The following ADGRL3 variants were observed in gnomAD, a reference collection of about 807,000 sequenced individuals.
The protein encoded by ADGRL3 is calcium-independent alpha-latrotoxin receptor 3.
Under a neutral mutation model 153.5 loss-of-function variants are expected in ADGRL3, and 62 were observed. The observed-to-expected ratio is 0.40, with a 90% CI of 0.33 to 0.50. ADGRL3 has a LOEUF of 0.50. Ranked by LOEUF, ADGRL3 falls within the 20% of genes least tolerant of loss-of-function variation. The pLI, the probability that ADGRL3 is intolerant of heterozygous loss-of-function variation, is 0.47. For missense variants in ADGRL3, 1,641 were observed against 1,859.4 expected, an observed-to-expected ratio of 0.88 and a Z score of 2.16; for synonymous variants, 710 against 672.5, an observed-to-expected ratio of 1.06 and a Z score of -0.86.
chr4:61,966,555 AG>A (rs910448640), intron 17 of ADGRL3, among the ~76,000 whole-genome samples: 1 of 150,736 alleles, frequency 6.6e-6, no homozygotes, highest in African/African-American at 2.5e-5. Context: ...AACACCTTTA[AG>A]AAGTACTTTC....
chr4:61,562,452 A>G (rs935432282), intron 4 of ADGRL3, among the ~76,000 whole-genome samples: 2 of 152,216 alleles, frequency 1.3e-5, no homozygotes, highest in African/African-American at 2.4e-5. Flanking sequence ...AACTTCTTTC[A>G]AAATTGAAGT....
At chr4:61,415,260 T>C (rs978818670) in intron 2 of ADGRL3, among the ~76,000 whole-genome samples, 6 of 152,004 alleles carry the variant, frequency 3.9e-5, no homozygotes, top group African/African-American at 7.2e-5. Flanking sequence ...CATATACCAA[T>C]ACATTCATGG....
intron 9 of ADGRL3, among the ~76,000 whole-genome samples, chr4:61,884,078 C>T (rs1185781981): frequency 6.6e-6 from 1 of 152,082 alleles, no homozygotes; most frequent in African/African-American, 2.4e-5. Context: ...ACATTTTATT[C>T]CCAGTACAAT....
At chr4:61,797,688 G>A (rs2097431253) in intron 8 of ADGRL3, among the ~76,000 whole-genome samples, 1 of 151,552 alleles carries the variant, frequency 6.6e-6, no homozygotes, top group Admixed American at 6.6e-5. Context: ...CTGCATGTTT[G>A]TTCCAAATAG....
chr4:61,721,187 G>T (rs1163812173), intron 6 of ADGRL3, among the ~76,000 whole-genome samples: 1 of 152,136 alleles, frequency 6.6e-6, no homozygotes, highest in Non-Finnish European at 1.5e-5. Flanking sequence ...ATGTGAAGGG[G>T]AGTTTATTAA....
Position 61,744,529 on chromosome 4 carries a change from C to A in ADGRL3, c.1399+10975C>A, listed in dbSNP as rs112506383. Among the ~76,000 whole-genome samples, 840 of 152,310 alleles carry A rather than the reference C, an allele frequency of 5.5e-3. 10 individuals carry two copies. Among genetic ancestry groups the A allele is most frequent in the African/African-American group, 0.019 (770 of 41,558 alleles). On this transcript the variant is annotated intron_variant, in intron 8 of 26. Coordinates refer to ENST00000683033, the MANE Select transcript of ADGRL3 (RefSeq NM_001387552.1). ...CTCTGAGACAAAAATTCCAGAGGAG[C>A]TATCAGGCAGCAGCGTTTGTGCTTC... is the stretch of plus-strand genomic sequence containing the variant.
chr4:61,389,627 G>T (rs1273063971), intron 2 of ADGRL3, among the ~76,000 whole-genome samples: 1 of 151,892 alleles, frequency 6.6e-6, no homozygotes, highest in African/African-American at 2.4e-5. Context: ...GTTTTGGTTT[G>T]CTATGAGATT....
chr4:61,282,881 A>G (rs181197651), intron 1 of ADGRL3, among the ~76,000 whole-genome samples: 20 of 152,218 alleles, frequency 1.3e-4, no homozygotes, highest in African/African-American at 4.8e-4. Flanking sequence ...TTCATAGAGC[A>G]TAACAGCTAG....
intron 2 of ADGRL3, among the ~76,000 whole-genome samples, chr4:61,476,733 A>AAC (rs2081548255): frequency 6.8e-6 from 1 of 147,878 alleles, no homozygotes; most frequent in African/African-American, 2.5e-5. Flanking sequence ...AAAAAAAAAA[A>AAC]AAAAACAAAA....
intron 17 of ADGRL3, among the ~76,000 whole-genome samples, chr4:61,977,301 C>G (rs2099051514): frequency 6.6e-6 from 1 of 150,762 alleles, no homozygotes; most frequent in Non-Finnish European, 1.5e-5. Flanking sequence ...TTATGAAAGA[C>G]TGCTGTGCTA....
intron 9 of ADGRL3, among the ~76,000 whole-genome samples, chr4:61,864,589 T>C (rs1051562023): frequency 3.3e-5 from 5 of 152,178 alleles, no homozygotes; most frequent in African/African-American, 1.2e-4. Flanking sequence ...GCAGAAACTA[T>C]AGTAATGCTG....
chr4:61,444,403 C>T (rs944093988), intron 2 of ADGRL3, among the ~76,000 whole-genome samples: 3 of 152,104 alleles, frequency 2.0e-5, no homozygotes, highest in African/African-American at 7.2e-5. Flanking sequence ...GTCTTGATAT[C>T]CCCAGCCAGC....
chr4:61,859,061 T>A (rs2098312092), intron 9 of ADGRL3, among the ~76,000 whole-genome samples: 1 of 152,142 alleles, frequency 6.6e-6, no homozygotes, highest in Non-Finnish European at 1.5e-5. Flanking sequence ...AATACATACA[T>A]TAACTTTATA....
chr4:61,438,022 G>A (rs2097474449), intron 2 of ADGRL3, among the ~76,000 whole-genome samples: 1 of 152,128 alleles, frequency 6.6e-6, no homozygotes, highest in Non-Finnish European at 1.5e-5. Context: ...GATTTCCTCA[G>A]GTTTGTGTAC....
chr4:61,661,235 AAT>A (rs1168106329), intron 5 of ADGRL3, among the ~76,000 whole-genome samples: 4 of 152,214 alleles, frequency 2.6e-5, no homozygotes. Context: ...AAGCATTGTC[AAT>A]ATCCTGACAT....
chr4:62,035,418 T>A (rs971328791), intron 23 of ADGRL3, among the ~76,000 whole-genome samples: 1 of 152,076 alleles, frequency 6.6e-6, no homozygotes, highest in African/African-American at 2.4e-5. Flanking sequence ...TAGGTTTACA[T>A]CACTTCATTC....
intron 2 of ADGRL3, among the ~76,000 whole-genome samples, chr4:61,440,221 G>C (rs1021919339): frequency 6.6e-6 from 1 of 151,920 alleles, no homozygotes; most frequent in Admixed American, 6.6e-5. Context: ...GCTAATTTTT[G>C]TATTTTTAGT....
intron 8 of ADGRL3, among the ~76,000 whole-genome samples, chr4:61,810,622 A>G (rs1486233730): frequency 6.6e-6 from 1 of 152,152 alleles, no homozygotes; most frequent in Non-Finnish European, 1.5e-5. Context: ...TGGAAAAGAG[A>G]TTGAAGATAG....
intron 5 of ADGRL3, among the ~76,000 whole-genome samples, chr4:61,627,450 CT>C (rs2092903311): frequency 6.6e-6 from 1 of 151,704 alleles, no homozygotes; most frequent in African/African-American, 2.4e-5. Context: ...GTGAAACCCC[CT>C]CTCTACTAAA....
Sources: allele counts gnomAD v4.1 joint callset (sites outside exome capture counted in the v4.1 genomes callset), GRCh38; gene constraint gnomAD v4.1.1; transcripts MANE v1.5; gene names NCBI Gene and HGNC (gene_info 2026-07-23, HGNC 2026-07-21).